Variants in PEX5L observed in about 807,000 individuals in gnomAD.
The protein encoded by PEX5L is PEX5-related protein.
In PEX5L, 30 loss-of-function variants were observed where a neutral mutation model predicts 84.0. The observed-to-expected ratio is 0.36, with a 90% CI of 0.27 to 0.48. PEX5L has a LOEUF of 0.48. Among genes scored for constraint, PEX5L ranks in the 20% least tolerant of loss-of-function variants. PEX5L has a pLI of 0.99. For missense variants in PEX5L, 533 were observed against 754.6 expected (o/e 0.71, Z 3.44); for synonymous variants, 270 against 283.1 (o/e 0.95, Z 0.46).
chr3:180,012,884 ACGT>A (rs1265447683), intron 1 of PEX5L, among the ~76,000 whole-genome samples: 1 of 152,134 alleles, frequency 6.6e-6, no homozygotes, highest in Non-Finnish European at 1.5e-5. Flanking sequence ...TTAAAAAAAT[ACGT>A]CTCTGAATCA....
intron 1 of PEX5L, among the ~76,000 whole-genome samples, chr3:179,985,021 GA>G (rs1786677163): frequency 6.6e-6 from 1 of 152,014 alleles, no homozygotes; most frequent in African/African-American, 2.4e-5. Context: ...CCTTTGGATG[GA>G]AAAAAATAGC....
intron 2 of PEX5L, 125 bp downstream of exon 2, chr3:179,971,469 C>G: frequency 7.8e-7 from 1 of 1,283,350 alleles, no homozygotes; most frequent in Non-Finnish European, 9.9e-7. Context: ...CTCTCAAAAT[C>G]TTGTTATGCA....
rs1321859937 is a variant in PEX5L, at chr3:179,795,536, T to TATC, written c.*6289_*6291dup. On this transcript the variant is annotated 3_prime_UTR_variant, in exon 15 of 15. Coordinates refer to ENST00000467460, the MANE Select transcript of PEX5L (RefSeq NM_016559.3). ...TTATTTCACTAAATCACTGATACAG[T>TATC]ATCACATAATATGCCAATCACTTTA... 2.6e-5 allele frequency: 4 copies of TATC among 152,214 alleles called. No individual in the cohort carries two copies. The highest frequency in any genetic ancestry group is 5.9e-5 in the Non-Finnish European group (4 of 68,034). The allele number at this position is 152,214 out of a possible 1,614,324, so 9.4% of individuals were successfully genotyped here. A position where few individuals can be genotyped will look rare whatever the true frequency, so the allele number is the denominator to read the frequency against.
At chr3:179,999,241 A>C (rs1194275446) in intron 1 of PEX5L, among the ~76,000 whole-genome samples, 1 of 152,210 alleles carries the variant, frequency 6.6e-6, no homozygotes, top group African/African-American at 2.4e-5. Context: ...AACTGTGAAG[A>C]AATTTGTATC....
intron 8 of PEX5L, among the ~76,000 whole-genome samples, chr3:179,829,649 A>T (rs538243619): frequency 6.6e-5 from 10 of 152,310 alleles, no homozygotes; most frequent in Non-Finnish European, 1.0e-4. Flanking sequence ...TATGTCTAGG[A>T]ATGAACGGGT....
intron 2 of PEX5L, among the ~76,000 whole-genome samples, chr3:179,906,392 A>G (rs770484721): frequency 3.3e-5 from 5 of 152,182 alleles, no homozygotes; most frequent in Non-Finnish European, 5.9e-5. Flanking sequence ...AGATTATTTT[A>G]TCCTAAGGAT....
intron 8 of PEX5L, among the ~76,000 whole-genome samples, chr3:179,830,755 C>T (rs1363053134): frequency 6.6e-6 from 1 of 152,130 alleles, no homozygotes; most frequent in Non-Finnish European, 1.5e-5. Flanking sequence ...CTGCCTCATT[C>T]CTGGTATCAA....
Position 180,036,754 on chromosome 3 carries a change from G to A in PEX5L, c.-155C>T. 1.3e-6 allele frequency: 1 copy of A among 768,726 alleles called. No individual in the cohort carries two copies. Among genetic ancestry groups the A allele is most frequent in the Non-Finnish European group, 2.3e-6 (1 of 434,650 alleles). 47.6% of individuals were successfully genotyped at this position (768,726 alleles called of 1,614,324 possible). On this transcript the variant is annotated 5_prime_UTR_variant, in exon 1 of 15. Coordinates refer to ENST00000467460, the MANE Select transcript of PEX5L (RefSeq NM_016559.3). Reference sequence around the variant, plus strand: ...GCTCCGGGTACTCGGCCGGCCGGCGGCCACTCGGCAGCGCTGCGGGCTGCC... The same window carrying A: ...GCTCCGGGTACTCGGCCGGCCGGCGACCACTCGGCAGCGCTGCGGGCTGCC...
chr3:179,950,704 A>T (rs997025326), intron 2 of PEX5L, among the ~76,000 whole-genome samples: 1 of 152,182 alleles, frequency 6.6e-6, no homozygotes, highest in African/African-American at 2.4e-5. Context: ...TTCAATGAGC[A>T]TGTGGAAACA....
At chr3:179,814,083 A>AG (rs1183447696) in intron 10 of PEX5L, among the ~76,000 whole-genome samples, 1 of 151,738 alleles carries the variant, frequency 6.6e-6, no homozygotes, top group African/African-American at 2.4e-5. Flanking sequence ...AGCCTCCCAA[A>AG]GTGCTGAGAT....
chr3:179,834,931 G>A (rs1310543511), intron 8 of PEX5L, among the ~76,000 whole-genome samples: 2 of 152,110 alleles, frequency 1.3e-5, no homozygotes, highest in African/African-American at 4.8e-5. Flanking sequence ...AATCCAATAC[G>A]GCTGATTTCC....
intron 4 of PEX5L, 127 bp from the exon 5 acceptor site, chr3:179,880,250 A>C: frequency 2.5e-5 from 14 of 554,100 alleles, no homozygotes; most frequent in Non-Finnish European, 3.8e-5. Flanking sequence ...ACGTTAGCTC[A>C]TCATTGATTT....
At chr3:180,029,165 G>A (rs1791224701) in intron 1 of PEX5L, among the ~76,000 whole-genome samples, 1 of 152,094 alleles carries the variant, frequency 6.6e-6, no homozygotes. Context: ...AGGGAATGGG[G>A]ACATAATAGT....
intron 2 of PEX5L, among the ~76,000 whole-genome samples, chr3:179,937,579 C>T (rs1158240138): frequency 2.6e-5 from 4 of 152,110 alleles, no homozygotes; most frequent in African/African-American, 9.7e-5. Context: ...CCAGTGTGTT[C>T]CCTAGTTCCA....
At chr3:179,972,107 T>C (rs1180043148) in intron 1 of PEX5L, among the ~76,000 whole-genome samples, 2 of 152,152 alleles carry the variant, frequency 1.3e-5, no homozygotes, top group Non-Finnish European at 2.9e-5. Flanking sequence ...AATAGAAGTA[T>C]TATGCAACTC....
At chr3:179,920,206 T>A (rs1221142412) in intron 2 of PEX5L, among the ~76,000 whole-genome samples, 1 of 152,212 alleles carries the variant, frequency 6.6e-6, no homozygotes, top group African/African-American at 2.4e-5. Context: ...GGAACCTCCA[T>A]TATGTCTGTC....
chr3:179,926,284 G>A (rs1771431494), intron 2 of PEX5L, among the ~76,000 whole-genome samples: 1 of 152,148 alleles, frequency 6.6e-6, no homozygotes. Flanking sequence ...CAGAGGAAAA[G>A]GCAAATCCGA....
intron 2 of PEX5L, among the ~76,000 whole-genome samples, chr3:179,907,305 A>G (rs1395223676): frequency 6.6e-6 from 1 of 151,884 alleles, no homozygotes; most frequent in Non-Finnish European, 1.5e-5. Flanking sequence ...AGAAGATTAA[A>G]TTCTCCTTTT....
At chr3:180,023,477 A>C (rs1293452513) in intron 1 of PEX5L, among the ~76,000 whole-genome samples, 2 of 152,180 alleles carry the variant, frequency 1.3e-5, no homozygotes, top group Non-Finnish European at 2.9e-5. Flanking sequence ...TTCGTAAGAA[A>C]TATCAAGCTT....
Sources: allele counts gnomAD v4.1 joint callset (sites outside exome capture counted in the v4.1 genomes callset), GRCh38; gene constraint gnomAD v4.1.1; transcripts MANE v1.5; gene names NCBI Gene and HGNC (gene_info 2026-07-23, HGNC 2026-07-21).